The following ITGA6 variants were observed in gnomAD, a reference collection of about 807,000 sequenced individuals.
The protein encoded by ITGA6 is integrin subunit alpha 6, also known as integrin alpha-6.
Under a neutral mutation model 133.6 loss-of-function variants are expected in ITGA6, and 63 were observed. The observed-to-expected ratio is 0.47, with a 90% CI of 0.38 to 0.58. The LOEUF (loss-of-function observed/expected upper bound fraction) is 0.58, where lower values mean the gene tolerates loss of function less well. Ranked by LOEUF, ITGA6 falls within the 20% of genes least tolerant of loss-of-function variation. The pLI is 0.00. For synonymous variants in ITGA6, 434 were observed against 482.0 expected (o/e 0.90, Z 1.30); for missense variants, 1,068 against 1,309.4 (o/e 0.82, Z 2.85).
intron 1 of ITGA6, among the ~76,000 whole-genome samples, chr2:172,460,104 T>G (rs1317457938): frequency 6.6e-6 from 1 of 152,242 alleles, no homozygotes; most frequent in South Asian, 2.1e-4. Context: ...GAACAGTTTC[T>G]TTTGAGGCTG....
chr2:172,433,304 C>T (rs925187578), intron 1 of ITGA6, among the ~76,000 whole-genome samples: 18 of 152,256 alleles, frequency 1.2e-4, no homozygotes, highest in Admixed American at 4.6e-4. Flanking sequence ...AGATCTGTTA[C>T]GTCAGTTTCC....
chr2:172,455,629 G>A lies in ITGA6; in HGVS notation c.183-9910G>A, dbSNP rs1459976867. Among the ~76,000 whole-genome samples the A allele has an allele frequency of 1.3e-5, 2 of 152,166 alleles. 1 individual carries two copies. The highest frequency in any genetic ancestry group is 1.3e-4 in the Admixed American group (2 of 15,274). On this transcript the variant is annotated intron_variant, in intron 1 of 25. Transcript: ENST00000684293. ...AGGAAAACATATATATACTGAAATA[G>A]TTTCCTTCCAGGTTATTCTGAAGTG... is the stretch of plus-strand genomic sequence containing the variant.
intron 19 of ITGA6, among the ~76,000 whole-genome samples, chr2:172,489,055 C>T (rs552838420): frequency 1.4e-4 from 22 of 152,322 alleles, no homozygotes; most frequent in African/African-American, 5.1e-4. Context: ...TCCTCTGGGA[C>T]AGAGGCAGCT....
chr2:172,429,305 AATTGT>A (rs1281695328), intron 1 of ITGA6, among the ~76,000 whole-genome samples: 1 of 152,014 alleles, frequency 6.6e-6, no homozygotes, highest in African/African-American at 2.4e-5. Context: ...TCTCAGAAAT[AATTGT>A]TGTTAAGCTG....
chr2:172,451,458 A>G (rs949814817), intron 1 of ITGA6, among the ~76,000 whole-genome samples: 2 of 142,084 alleles, frequency 1.4e-5, no homozygotes, highest in African/African-American at 2.9e-5. Flanking sequence ...GAGCGAGACT[A>G]TCTTAAAAAA....
At chr2:172,464,526 T>G (rs1454506944) in intron 1 of ITGA6, 1 of 152,312 alleles carries the variant, frequency 6.6e-6, no homozygotes, top group Non-Finnish European at 1.5e-5. Flanking sequence ...TGTCTTTGTT[T>G]CTTGTCCTAG....
At chr2:172,471,219 G>T in intron 5 of ITGA6, 114 bp downstream of exon 5, 1 of 1,223,882 alleles carries the variant, frequency 8.2e-7, no homozygotes, top group Non-Finnish European at 1.2e-6. Flanking sequence ...GCCAGGTGGG[G>T]CCGGGCCACT....
chr2:172,470,626 C>T (rs1685884514), intron 4 of ITGA6, among the ~76,000 whole-genome samples: 1 of 152,134 alleles, frequency 6.6e-6, no homozygotes, highest in Non-Finnish European at 1.5e-5. Flanking sequence ...GGCAGGATTA[C>T]AGAGAATGTA....
intron 1 of ITGA6, among the ~76,000 whole-genome samples, chr2:172,447,848 T>TC (rs113754714): frequency 1.3e-5 from 2 of 151,358 alleles, no homozygotes; most frequent in South Asian, 2.1e-4. Context: ...TCACATTTTT[T>TC]CCCCCGGTAC....
chr2:172,477,704 A>T (rs1686237688), intron 9 of ITGA6, among the ~76,000 whole-genome samples: 1 of 152,218 alleles, frequency 6.6e-6, no homozygotes, highest in Non-Finnish European at 1.5e-5. Flanking sequence ...ACTTGCAGAT[A>T]GTGTGAAAGT....
upstream of ITGA6, chr2:172,427,377 C>T (rs1683879987): frequency 2.0e-6 from 2 of 1,012,252 alleles, no homozygotes; most frequent in Non-Finnish European, 2.4e-6. Flanking sequence ...GAGGGCGGCG[C>T]AGTGGGGCTG....
At chr2:172,468,389 C>T (rs1685773486) in intron 3 of ITGA6, among the ~76,000 whole-genome samples, 1 of 152,042 alleles carries the variant, frequency 6.6e-6, no homozygotes, top group South Asian at 2.1e-4. Context: ...GAAATTTATA[C>T]AGAATTTTGA....
chr2:172,489,358 TGGAGCC>T, intron 19 of ITGA6, 121 bp from the exon 20 acceptor site: 2 of 748,418 alleles, frequency 2.7e-6, no homozygotes, highest in Admixed American at 2.4e-5. Context: ...AGTCCATTTT[TGGAGCC>T]TGTGCTTTTA....
chr2:172,487,506 C>T (rs749820881), intron 15 of ITGA6, 41 bp from the exon 16 acceptor site: 1 of 1,610,066 alleles, frequency 6.2e-7, no homozygotes, highest in Non-Finnish European at 8.5e-7. Context: ...CACTGTGTGG[C>T]AAATGAGTGG....
chr2:172,498,972 T>C (rs1228974093), intron 24 of ITGA6, among the ~76,000 whole-genome samples: 2 of 152,218 alleles, frequency 1.3e-5, no homozygotes, highest in African/African-American at 2.4e-5. Flanking sequence ...ATAGTAGCAT[T>C]AGGTATGCAG....
rs2148985708 is a variant in ITGA6 at position 172,427,970 on chromosome 2, T to A, written c.182T>A (p.Leu61Gln). ...CAACTGCAGCCCGAGGACAAGCGGC[T>A]GTGAGTTCCCAGACCCTTCCCACCC... ...HWQLQPEDKR[L>Q]LLVGAPRAEA... The change falls in exon 1 of 26, where the codon CTG (leucine) becomes CAG (glutamine). Residue 61 changes from leucine to glutamine, a missense_variant and splice_region_variant. Transcript: ENST00000684293. The A allele has an allele frequency of 6.2e-7, 1 of 1,603,500 alleles. No homozygotes were observed. The highest frequency in any genetic ancestry group is 2.3e-5 in the East Asian group (1 of 43,678).
intron 24 of ITGA6, among the ~76,000 whole-genome samples, chr2:172,499,833 G>A (rs770502098): frequency 6.6e-6 from 1 of 152,080 alleles, no homozygotes; most frequent in African/African-American, 2.4e-5. Flanking sequence ...ATATAATCTT[G>A]GTCAAATCAT....
intron 19 of ITGA6, among the ~76,000 whole-genome samples, chr2:172,488,962 T>C (rs1334216555): frequency 6.6e-6 from 1 of 152,202 alleles, no homozygotes; most frequent in African/African-American, 2.4e-5. Context: ...CCTCCTGTGT[T>C]TGGCTTCTGC....
chr2:172,470,367 T>C (rs1441768035), intron 4 of ITGA6, among the ~76,000 whole-genome samples: 4 of 152,118 alleles, frequency 2.6e-5, no homozygotes, highest in Non-Finnish European at 4.4e-5. Flanking sequence ...CTTTATATAG[T>C]AAAACAAAAC....
Sources: allele counts gnomAD v4.1 joint callset (sites outside exome capture counted in the v4.1 genomes callset), GRCh38; gene constraint gnomAD v4.1.1; transcripts MANE v1.5; gene names NCBI Gene and HGNC (gene_info 2026-07-23, HGNC 2026-07-21).